Variants in PLCL1 observed in about 807,000 individuals in gnomAD.
PLCL1 encodes the protein phospholipase C like 1 (inactive), also known as inactive phospholipase C-like protein 1.
Under a neutral mutation model 84.4 loss-of-function variants are expected in PLCL1, and 41 were observed. The observed-to-expected ratio is 0.49, with a 90% CI of 0.38 to 0.63. PLCL1 has a LOEUF of 0.63. Ranked by LOEUF, PLCL1 falls within the 30% of genes least tolerant of loss-of-function variation. The pLI is 0.00. For synonymous variants in PLCL1, 490 were observed against 488.3 expected (o/e 1.00, Z -0.05); for missense variants, 1,206 against 1,367.8 (o/e 0.88, Z 1.87).
At position 198,053,935 on chromosome 2, in the gene PLCL1, G is replaced by A. The variant is rs189423653; in HGVS notation, c.241-29823G>A. Among the ~76,000 whole-genome samples, 264 of 152,326 alleles carry A rather than the reference G, an allele frequency of 1.7e-3. 1 individual carries two copies. Among genetic ancestry groups the A allele is most frequent in the Middle Eastern group, 6.8e-3 (2 of 294 alleles). The stretch of plus-strand genomic sequence containing the variant: ...ATTTCACTGCCTTTCCCACTTCAGT[G>A]TATTGCAGCTGCAGGAGTATTTATG... On this transcript the variant is annotated intron_variant, in intron 1 of 5. Transcript: ENST00000428675.
intron 3 of PLCL1, among the ~76,000 whole-genome samples, chr2:198,097,690 G>T (rs761202892): frequency 8.5e-5 from 13 of 152,176 alleles, no homozygotes; most frequent in Non-Finnish European, 1.8e-4. Flanking sequence ...TGTCACCATT[G>T]TGAATGTGGA....
intron 3 of PLCL1, among the ~76,000 whole-genome samples, chr2:198,094,099 T>A (rs1456445215): frequency 6.6e-6 from 1 of 152,184 alleles, no homozygotes; most frequent in Non-Finnish European, 1.5e-5. Flanking sequence ...TCTCACTCTG[T>A]CGCCCAGACT....
intron 1 of PLCL1, among the ~76,000 whole-genome samples, chr2:197,926,654 C>G (rs1688837331): frequency 6.6e-6 from 1 of 152,268 alleles, no homozygotes; most frequent in Admixed American, 6.5e-5. Context: ...TATCATTTGT[C>G]TACTATTGGC....
chr2:197,918,937 T>TCC (rs1688650337), intron 1 of PLCL1, among the ~76,000 whole-genome samples: 1 of 100,696 alleles, frequency 9.9e-6, no homozygotes, highest in Non-Finnish European at 2.0e-5. Context: ...GGAGACCCTG[T>TCC]CTCTCTCTCT....
chr2:197,874,076 A>G lies in PLCL1; in HGVS notation c.240+68737A>G, dbSNP rs765655567. 4.4e-4 allele frequency among the ~76,000 whole-genome samples: 67 copies of G among 152,220 alleles called. 1 individual carries two copies. Among genetic ancestry groups the G allele is most frequent in the Non-Finnish European group, 8.5e-4 (58 of 68,020 alleles). Reference sequence around the variant, plus strand: ...AAAGCAACCTTATGAAATTTTACTTATAAGTTTTTCATTTTATAGCACTTG... The same window carrying G: ...AAAGCAACCTTATGAAATTTTACTTGTAAGTTTTTCATTTTATAGCACTTG... On this transcript the variant is annotated intron_variant, in intron 1 of 5. Coordinates refer to ENST00000428675, the MANE Select transcript of PLCL1 (RefSeq NM_006226.4).
chr2:197,960,468 G>A (rs79679430), intron 1 of PLCL1, among the ~76,000 whole-genome samples: 3,406 of 152,176 alleles, frequency 0.022, 154 homozygotes, highest in African/African-American at 0.076. Flanking sequence ...AGGACAAATA[G>A]CAGTTCATAT....
chr2:197,970,672 A>AT (rs1304447805), intron 1 of PLCL1, among the ~76,000 whole-genome samples: 1 of 152,216 alleles, frequency 6.6e-6, no homozygotes, highest in African/African-American at 2.4e-5. Context: ...CATGGTTTGC[A>AT]TTATCTTTCT....
At chr2:198,140,175 G>T (rs1420220787) in intron 5 of PLCL1, among the ~76,000 whole-genome samples, 1 of 152,006 alleles carries the variant, frequency 6.6e-6, no homozygotes, top group East Asian at 1.9e-4. Context: ...TTAAGCTCTG[G>T]TCAACAAGTG....
At chr2:198,140,811 A>G (rs1385472116) in intron 5 of PLCL1, among the ~76,000 whole-genome samples, 1 of 152,118 alleles carries the variant, frequency 6.6e-6, no homozygotes, top group Non-Finnish European at 1.5e-5. Flanking sequence ...TGAGAATTAG[A>G]TTCTCAGGAA....
intron 1 of PLCL1, among the ~76,000 whole-genome samples, chr2:197,864,732 C>G (rs949632672): frequency 2.0e-5 from 3 of 152,052 alleles, no homozygotes; most frequent in Admixed American, 2.0e-4. Flanking sequence ...CCTTGGCCTC[C>G]CAAAGTACTG....
intron 3 of PLCL1, among the ~76,000 whole-genome samples, chr2:198,100,626 A>G (rs764119804): frequency 2.6e-4 from 39 of 152,104 alleles, no homozygotes; most frequent in Non-Finnish European, 4.0e-4. Flanking sequence ...AAGGGAGAAA[A>G]TGACAAAGCC....
At chr2:198,099,060 G>T (rs1259874135) in intron 3 of PLCL1, among the ~76,000 whole-genome samples, 2 of 152,156 alleles carry the variant, frequency 1.3e-5, no homozygotes, top group Non-Finnish European at 2.9e-5. Context: ...CCAGAGAAAA[G>T]CTCTTTGTAT....
chr2:197,974,443 G>C (rs1177321513), intron 1 of PLCL1, among the ~76,000 whole-genome samples: 3 of 152,138 alleles, frequency 2.0e-5, no homozygotes, highest in Non-Finnish European at 2.9e-5. Flanking sequence ...GAAATGATAT[G>C]GTAATTATTG....
chr2:197,846,420 G>T (rs1687121373), intron 1 of PLCL1, among the ~76,000 whole-genome samples: 1 of 152,076 alleles, frequency 6.6e-6, no homozygotes, highest in Non-Finnish European at 1.5e-5. Flanking sequence ...TAGTACGAGA[G>T]AAGCAAATAT....
intron 1 of PLCL1, among the ~76,000 whole-genome samples, chr2:198,028,434 G>C (rs1420461894): frequency 6.6e-6 from 1 of 152,174 alleles, no homozygotes; most frequent in Non-Finnish European, 1.5e-5. Context: ...ACATCAGATG[G>C]TGATGCCTTT....
At chr2:197,921,980 G>C (rs1365847252) in intron 1 of PLCL1, among the ~76,000 whole-genome samples, 1 of 149,156 alleles carries the variant, frequency 6.7e-6, no homozygotes, top group African/African-American at 2.5e-5. Context: ...AGAGACAAGT[G>C]CAGGTTGATT....
intron 1 of PLCL1, among the ~76,000 whole-genome samples, chr2:198,068,457 T>G (rs1281236250): frequency 2.0e-5 from 3 of 152,242 alleles, no homozygotes; most frequent in African/African-American, 7.2e-5. Context: ...TTCTACATCA[T>G]GGGATTCACA....
chr2:198,083,632 C>T, intron 1 of PLCL1, 126 bp from the exon 2 acceptor site: 3 of 616,758 alleles, frequency 4.9e-6, no homozygotes, highest in Non-Finnish European at 8.0e-6. Context: ...AAAATGTAAA[C>T]TTTAGGGTAG....
At chr2:197,855,872 T>C (rs980905827) in intron 1 of PLCL1, among the ~76,000 whole-genome samples, 9 of 152,136 alleles carry the variant, frequency 5.9e-5, no homozygotes, top group African/African-American at 1.9e-4. Context: ...AGAAACATCC[T>C]GGTTAACCTC....
Sources: gnomAD v4.1 joint callset for allele counts (sites outside exome capture counted in the v4.1 genomes callset) on GRCh38, gnomAD v4.1.1 for gene constraint, MANE v1.5 for transcripts, NCBI Gene and HGNC (gene_info 2026-07-23, HGNC 2026-07-21) for gene names.